Variants in INPP4A observed in about 807,000 individuals in gnomAD.
INPP4A encodes inositol polyphosphate-4-phosphatase type I A, also known as inositol polyphosphate-4-phosphatase, type I, 107kD.
A neutral mutation model predicts 119.8 loss-of-function variants in INPP4A; 33 were observed. That is an observed-to-expected ratio of 0.28 (90% CI 0.21 to 0.37). INPP4A has a LOEUF of 0.37. Ranked by LOEUF, INPP4A falls within the 10% of genes least tolerant of loss-of-function variation. INPP4A has a pLI of 1.00. For synonymous variants in INPP4A, 496 were observed against 500.7 expected, an observed-to-expected ratio of 0.99 and a Z score of 0.12; for missense variants, 956 against 1,289.9, an observed-to-expected ratio of 0.74 and a Z score of 3.97.
intron 19 of INPP4A, 83 bp from the exon 20 acceptor site, chr2:98,565,557 C>A: frequency 6.8e-6 from 10 of 1,477,360 alleles, no homozygotes; most frequent in Non-Finnish European, 8.1e-6. Flanking sequence ...CACAGCCAGG[C>A]CTGGGCTTGG....
At chr2:98,580,631 A>G (rs961216831) in intron 24 of INPP4A, among the ~76,000 whole-genome samples, 3 of 152,222 alleles carry the variant, frequency 2.0e-5, no homozygotes, top group African/African-American at 7.2e-5. Flanking sequence ...TCAGAATGGC[A>G]CATTCCAGCA....
chr2:98,471,083 C>G (rs1675912992), intron 1 of INPP4A, among the ~76,000 whole-genome samples: 4 of 152,190 alleles, frequency 2.6e-5, no homozygotes, highest in Non-Finnish European at 5.9e-5. Flanking sequence ...TGGTTTGGCC[C>G]AAGCTTTTGA....
chr2:98,561,137 A>G (rs1031442044), intron 17 of INPP4A, among the ~76,000 whole-genome samples: 3 of 152,194 alleles, frequency 2.0e-5, no homozygotes, highest in Admixed American at 1.3e-4. Flanking sequence ...GCAGAAGCAA[A>G]GTACGGATTT....
At chr2:98,585,585 C>T (rs1699860208) in intron 24 of INPP4A, among the ~76,000 whole-genome samples, 1 of 152,224 alleles carries the variant, frequency 6.6e-6, no homozygotes, top group Non-Finnish European at 1.5e-5. Flanking sequence ...CTGTCCTCGC[C>T]ACCTCTGCAT....
chr2:98,517,674 G>C (rs1339030478), intron 1 of INPP4A, among the ~76,000 whole-genome samples: 1 of 152,124 alleles, frequency 6.6e-6, no homozygotes, highest in Non-Finnish European at 1.5e-5. Context: ...TGTGTCTTAT[G>C]GATGTTCCAG....
intron 11 of INPP4A, among the ~76,000 whole-genome samples, chr2:98,545,047 GT>G (rs1182646815): frequency 3.3e-5 from 5 of 152,212 alleles, no homozygotes; most frequent in Non-Finnish European, 7.3e-5. Context: ...CTTGAGAATT[GT>G]GTTGAAGTGG....
chr2:98,563,922 T>C (rs2106334632), intron 18 of INPP4A, among the ~76,000 whole-genome samples: 1 of 151,210 alleles, frequency 6.6e-6, no homozygotes, highest in South Asian at 2.1e-4. Context: ...TGGCACAGGC[T>C]TCTTTGCTGC....
chr2:98,550,665 T>G (rs1266996962), intron 13 of INPP4A, among the ~76,000 whole-genome samples: 1 of 152,230 alleles, frequency 6.6e-6, no homozygotes, highest in Non-Finnish European at 1.5e-5. Context: ...AACTAGGTAG[T>G]TGAGCACACA....
In INPP4A at chr2:98,592,108, G is replaced by A. The variant is rs1199046538; in HGVS notation, c.*4500G>A. The A allele has an allele frequency of 1.3e-5, 2 of 152,292 alleles. No individual in the cohort carries two copies. The highest frequency in any genetic ancestry group is 4.8e-5 in the African/African-American group (2 of 41,444). The allele number at this position is 152,292 out of a possible 1,614,324, so 9.4% of individuals were successfully genotyped here. On this transcript the variant is annotated 3_prime_UTR_variant, in exon 25 of 25. Transcript: ENST00000409851. Reference sequence around the variant, plus strand: ...TGGGATGGCTCTTCCAAGACCAGCAGTTCCTCCTGGCAGGCAGGCCCTCAC... The same window carrying A: ...TGGGATGGCTCTTCCAAGACCAGCAATTCCTCCTGGCAGGCAGGCCCTCAC...
intron 1 of INPP4A, among the ~76,000 whole-genome samples, chr2:98,516,215 CA>C (rs1334479313): frequency 6.6e-6 from 1 of 152,204 alleles, no homozygotes; most frequent in Admixed American, 6.5e-5. Flanking sequence ...TTCAGCTGTG[CA>C]AATTAGCTTT....
chr2:98,566,299 T>C lies in INPP4A; in HGVS notation c.2420+130T>C, dbSNP rs1696430077. 1 of 1,022,058 alleles carries C rather than the reference T, an allele frequency of 9.8e-7. No individual in the cohort carries two copies. Among genetic ancestry groups the C allele is most frequent in the Non-Finnish European group, 1.4e-6 (1 of 729,162 alleles). 63.3% of individuals were successfully genotyped at this position (1,022,058 alleles called of 1,614,324 possible). On this transcript the variant is annotated intron_variant, in intron 21 of 24. Coordinates refer to ENST00000409851, the MANE Select transcript of INPP4A (RefSeq NM_001134225.2). This position sits in a 1 kb window ranked among gnomAD's most constrained non-coding sequence, Gnocchi z 4.2. ...ATCCTTCCTTCCTTTGGCCAACATT[T>C]TCATCATGGCCGTGCACCTCACTGT...
intron 17 of INPP4A, among the ~76,000 whole-genome samples, chr2:98,562,798 A>G (rs1405187204): frequency 2.0e-5 from 3 of 151,356 alleles, no homozygotes; most frequent in Non-Finnish European, 4.4e-5. Flanking sequence ...TATAGGGTCA[A>G]AGTTTCCCTA....
intron 1 of INPP4A, among the ~76,000 whole-genome samples, chr2:98,462,363 G>A (rs369702950): frequency 8.9e-4 from 136 of 152,240 alleles, no homozygotes; most frequent in African/African-American, 3.1e-3. Flanking sequence ...TAGGAGAATC[G>A]CTTGAACCCG....
intron 1 of INPP4A, among the ~76,000 whole-genome samples, chr2:98,465,152 T>C (rs1258799565): frequency 4.6e-5 from 7 of 152,242 alleles, no homozygotes; most frequent in Admixed American, 4.6e-4. Context: ...AAGGAACTTA[T>C]TCTCTCACTG....
chr2:98,525,673 T>G (rs1688059374), intron 4 of INPP4A, among the ~76,000 whole-genome samples: 1 of 152,182 alleles, frequency 6.6e-6, no homozygotes, highest in Non-Finnish European at 1.5e-5. Context: ...AACAACCAAA[T>G]TTTTAAAATG....
rs1415154685 is a variant in INPP4A at position 98,445,081 on chromosome 2, G to T, written c.-170G>T. On this transcript the variant is annotated 5_prime_UTR_variant, in exon 1 of 25. Transcript: ENST00000409851. ...CGGCTGGCGCCGGGGGCCGGGGAGCGCCAGGTAGGTGGGCCGGGCCGGGCA... is the reference window on the plus strand; with the variant it reads ...CGGCTGGCGCCGGGGGCCGGGGAGCTCCAGGTAGGTGGGCCGGGCCGGGCA... The T allele has an allele frequency of 6.7e-6, 1 of 149,306 alleles. No homozygotes were observed. The highest frequency in any genetic ancestry group is 1.5e-5 in the Non-Finnish European group (1 of 66,710). 9.2% of individuals were successfully genotyped at this position (149,306 alleles called of 1,614,324 possible).
At position 98,587,682 on chromosome 2, in the gene INPP4A, A is replaced by G. The variant is rs1700089412; in HGVS notation, c.*74A>G. On this transcript the variant is annotated 3_prime_UTR_variant, in exon 25 of 25. Transcript: ENST00000409851. The stretch of plus-strand genomic sequence containing the variant: ...TCTAGTGTCATATATGAATTCTTCA[A>G]GAAGACCTGAAGGATTGGTTTTTAT... 2.6e-6 allele frequency: 3 copies of G among 1,151,102 alleles called. No homozygotes were observed. Among genetic ancestry groups the G allele is most frequent in the Non-Finnish European group, 3.7e-6 (3 of 819,386 alleles). 71.3% of individuals were successfully genotyped at this position (1,151,102 alleles called of 1,614,324 possible). A position where few individuals can be genotyped will look rare whatever the true frequency, so the allele number is the denominator to read the frequency against.
intron 1 of INPP4A, among the ~76,000 whole-genome samples, chr2:98,507,871 C>A (rs1347715647): frequency 1.3e-5 from 2 of 152,184 alleles, no homozygotes; most frequent in African/African-American, 2.4e-5. Flanking sequence ...AAGCTCACCC[C>A]CCTGCACAGC....
At chr2:98,485,360 T>C (rs900809821) in intron 1 of INPP4A, among the ~76,000 whole-genome samples, 1 of 152,252 alleles carries the variant, frequency 6.6e-6, no homozygotes, top group South Asian at 2.1e-4. Context: ...GCTGATCTTA[T>C]CTGTGTAGAA....
Sources: allele counts gnomAD v4.1 joint callset (sites outside exome capture counted in the v4.1 genomes callset), GRCh38; gene constraint gnomAD v4.1.1; non-coding constraint Gnocchi (gnomAD v3.1); transcripts MANE v1.5; gene names NCBI Gene and HGNC (gene_info 2026-07-23, HGNC 2026-07-21).